The following TTC39B variants were observed in gnomAD, a reference collection of about 807,000 sequenced individuals.
TTC39B encodes tetratricopeptide repeat domain 39B.
In TTC39B, 92 loss-of-function variants were observed where a neutral mutation model predicts 96.6. That is an observed-to-expected ratio of 0.95 (90% CI 0.80 to 1.13). The LOEUF (loss-of-function observed/expected upper bound fraction) is 1.13, where lower values mean the gene tolerates loss of function less well. Ranked by LOEUF, TTC39B falls within the 50% of genes most tolerant of loss-of-function variation. The probability of loss-of-function intolerance (pLI) is 0.00; values close to 1 mark genes in which losing one functional copy is unlikely to be tolerated. For synonymous variants in TTC39B, 367 were observed against 299.4 expected (o/e 1.23, Z -2.33); for missense variants, 955 against 809.3 (o/e 1.18, Z -2.18).
At chr9:15,210,279 A>G in intron 5 of TTC39B, 115 bp from the exon 6 acceptor site, 1 of 672,252 alleles carries the variant, frequency 1.5e-6, no homozygotes, top group East Asian at 2.8e-5. Flanking sequence ...AAAAAGCTGA[A>G]ACTCTAAACC....
At chr9:15,167,237 G>A (rs57652096) in exon 20 of TTC39B, 1 of 101,884 alleles carries the variant, frequency 9.8e-6, no homozygotes, top group Non-Finnish European at 1.9e-5. Flanking sequence ...GTAAAGACAG[G>A]TTCTCACTGT....
chr9:15,261,406 T>A (rs571057212), intron 2 of TTC39B, among the ~76,000 whole-genome samples: 3 of 152,166 alleles, frequency 2.0e-5, no homozygotes, highest in Admixed American at 1.3e-4. Context: ...ACCCAGGAGT[T>A]TGGGGCTGCA....
intron 4 of TTC39B, among the ~76,000 whole-genome samples, chr9:15,211,653 G>C (rs1820208154): frequency 6.6e-6 from 1 of 152,102 alleles, no homozygotes; most frequent in Non-Finnish European, 1.5e-5. Context: ...AACACAAGAG[G>C]GCAGCCTGCA....
At chr9:15,221,030 C>T (rs1314347415) in intron 3 of TTC39B, among the ~76,000 whole-genome samples, 1 of 152,206 alleles carries the variant, frequency 6.6e-6, no homozygotes, top group Non-Finnish European at 1.5e-5. Flanking sequence ...GCTGCATGCA[C>T]ATATCTGGTG....
chr9:15,293,395 A>G (rs1212822600), intron 1 of TTC39B, among the ~76,000 whole-genome samples: 3 of 152,198 alleles, frequency 2.0e-5, no homozygotes, highest in African/African-American at 7.2e-5. Context: ...TACCTGAGGG[A>G]GGTCTGAAAT....
At chr9:15,169,197 A>G (rs556665363) in exon 20 of TTC39B, 1 of 152,310 alleles carries the variant, frequency 6.6e-6, no homozygotes, top group South Asian at 2.1e-4. Flanking sequence ...GCCTTTATCC[A>G]CTTGTCTCAT....
intron 2 of TTC39B, among the ~76,000 whole-genome samples, chr9:15,233,292 C>T (rs1047868992): frequency 1.3e-5 from 2 of 152,144 alleles, no homozygotes; most frequent in Admixed American, 1.3e-4. Context: ...GACACCGGAA[C>T]ACACGGCGAC....
chr9:15,220,663 A>G, intron 3 of TTC39B, among the ~76,000 whole-genome samples: 1 of 152,150 alleles, frequency 6.6e-6, no homozygotes, highest in East Asian at 1.9e-4. Flanking sequence ...GGGGAAGCAG[A>G]GTTTTTTTTT....
At chr9:15,199,905 G>A (rs768229205) in exon 8 of TTC39B, 3 of 1,543,126 alleles carry the variant, frequency 1.9e-6, no homozygotes, top group Admixed American at 1.9e-5. Flanking sequence ...CACCTTTGAT[G>A]AAGTTGATCA....
intron 2 of TTC39B, among the ~76,000 whole-genome samples, chr9:15,256,255 C>T (rs996821711): frequency 6.6e-6 from 1 of 152,150 alleles, no homozygotes; most frequent in South Asian, 2.1e-4. Flanking sequence ...AAGAAGGCAC[C>T]ATCTATGAGG....
At chr9:15,292,747 T>C (rs1418295844) in intron 1 of TTC39B, among the ~76,000 whole-genome samples, 1 of 152,192 alleles carries the variant, frequency 6.6e-6, no homozygotes, top group Non-Finnish European at 1.5e-5. Context: ...TAAAAAACTT[T>C]TAAAATAGAA....
At chr9:15,241,050 G>C (rs556532597) in intron 2 of TTC39B, among the ~76,000 whole-genome samples, 1 of 152,162 alleles carries the variant, frequency 6.6e-6, no homozygotes, top group Non-Finnish European at 1.5e-5. Flanking sequence ...GCGCTCTCAC[G>C]AGTTCTCTAA....
intron 2 of TTC39B, among the ~76,000 whole-genome samples, chr9:15,231,943 A>G (rs1821444647): frequency 6.6e-6 from 1 of 152,124 alleles, no homozygotes; most frequent in South Asian, 2.1e-4. Flanking sequence ...GCCCTCTCAA[A>G]TCCTGCAGAG....
At chr9:15,303,362 C>A (rs1394025363) in intron 1 of TTC39B, among the ~76,000 whole-genome samples, 13 of 151,422 alleles carry the variant, frequency 8.6e-5, no homozygotes, top group African/African-American at 1.5e-4. Flanking sequence ...TTGAAAAAAT[C>A]ATTTTCTGAA....
chr9:15,190,294 T>A (rs933418251), intron 11 of TTC39B, among the ~76,000 whole-genome samples: 8 of 152,208 alleles, frequency 5.3e-5, no homozygotes, highest in African/African-American at 1.9e-4. Context: ...TCTTTCTAAA[T>A]TTTTACTTAC....
exon 20 of TTC39B, chr9:15,169,853 C>G (rs903007504): frequency 2.0e-5 from 3 of 152,108 alleles, no homozygotes; most frequent in African/African-American, 7.2e-5. Flanking sequence ...AATGGCCACT[C>G]TAAGCTTAAA....
At chr9:15,270,173 G>GA (rs771648676) in intron 1 of TTC39B, among the ~76,000 whole-genome samples, 108 of 142,040 alleles carry the variant, frequency 7.6e-4, no homozygotes, top group Admixed American at 2.8e-3. Context: ...CCATCTCAAG[G>GA]AAAAAAAAAA....
chr9:15,229,844 G>C (rs868098160), intron 2 of TTC39B, among the ~76,000 whole-genome samples: 1 of 152,054 alleles, frequency 6.6e-6, no homozygotes, highest in African/African-American at 2.4e-5. Context: ...CACTCTTTTT[G>C]TGGGGTTGTT....
chr9:15,233,947 T>C (rs759449046), intron 2 of TTC39B, among the ~76,000 whole-genome samples: 2 of 150,588 alleles, frequency 1.3e-5, no homozygotes, highest in Non-Finnish European at 3.0e-5. Context: ...ATCTAGGAAG[T>C]GAGGAGCGTC....
Sources: gnomAD v4.1 joint callset for allele counts (sites outside exome capture counted in the v4.1 genomes callset) on GRCh38, gnomAD v4.1.1 for gene constraint, MANE v1.5 for transcripts, NCBI Gene and HGNC (gene_info 2026-07-23, HGNC 2026-07-21) for gene names.